SMURF1: variants seen among roughly 807,000 people sequenced by gnomAD.
SMURF1 encodes the protein SMAD specific E3 ubiquitin protein ligase 1, also known as E3 ubiquitin-protein ligase SMURF1.
A neutral mutation model predicts 98.0 loss-of-function variants in SMURF1; 44 were observed. The ratio of observed to expected loss-of-function variants is 0.45; its 90% CI spans 0.35 to 0.58. SMURF1 has a LOEUF of 0.58. Among genes scored for constraint, SMURF1 ranks in the 20% least tolerant of loss-of-function variants. The pLI, the probability that SMURF1 is intolerant of heterozygous loss-of-function variation, is 0.00. For synonymous variants in SMURF1, 396 were observed against 374.9 expected, an observed-to-expected ratio of 1.06 and a Z score of -0.65; for missense variants, 687 against 938.4, an observed-to-expected ratio of 0.73 and a Z score of 3.50.
chr7:99,131,452 A>G (rs560895925), intron 1 of SMURF1, among the ~76,000 whole-genome samples: 52 of 151,932 alleles, frequency 3.4e-4, no homozygotes, highest in African/African-American at 1.2e-3. Context: ...GTAGGAAAGA[A>G]TCAAGGAAAT....
intron 13 of SMURF1, 52 bp from the exon 14 acceptor site, chr7:99,038,577 GC>G: frequency 6.3e-7 from 1 of 1,586,426 alleles, no homozygotes. Context: ...ACCACGCGGG[GC>G]CATTGGGTAG....
intron 15 of SMURF1, among the ~76,000 whole-genome samples, chr7:99,036,746 T>A (rs1053245302): frequency 1.2e-4 from 18 of 152,166 alleles, no homozygotes; most frequent in Non-Finnish European, 1.5e-5. Context: ...TGGGAGAACC[T>A]GGTTCTCCCA....
chr7:99,133,910 A>C (rs1424190380), intron 1 of SMURF1, among the ~76,000 whole-genome samples: 1 of 152,222 alleles, frequency 6.6e-6, no homozygotes, highest in African/African-American at 2.4e-5. Flanking sequence ...GCATGCAGTA[A>C]GATTCCATTA....
chr7:99,064,399 G>A (rs1563013430), intron 1 of SMURF1, among the ~76,000 whole-genome samples: 1 of 152,108 alleles, frequency 6.6e-6, no homozygotes, highest in Non-Finnish European at 1.5e-5. Context: ...CTAGGCCTGG[G>A]CTTTTCATTT....
chr7:99,122,285 G>A (rs1775591724), intron 1 of SMURF1, among the ~76,000 whole-genome samples: 1 of 147,884 alleles, frequency 6.8e-6, no homozygotes, highest in Admixed American at 6.8e-5. Context: ...CCGAGATCGG[G>A]CCACCGCACT....
chr7:99,036,985 T>C (rs1173427272), intron 15 of SMURF1, 82 bp downstream of exon 15: 2 of 1,601,432 alleles, frequency 1.2e-6, no homozygotes, highest in East Asian at 4.5e-5. Flanking sequence ...CGGCACACAC[T>C]GCCCCCTGCA....
At chr7:99,078,929 C>G (rs962471513) in intron 1 of SMURF1, among the ~76,000 whole-genome samples, 1 of 152,260 alleles carries the variant, frequency 6.6e-6, no homozygotes, top group Non-Finnish European at 1.5e-5. Context: ...CCATCTCCCC[C>G]ACCCCTGTCC....
At chr7:99,092,107 T>C (rs1479058529) in intron 1 of SMURF1, among the ~76,000 whole-genome samples, 2 of 152,204 alleles carry the variant, frequency 1.3e-5, no homozygotes, top group Admixed American at 6.5e-5. Flanking sequence ...TTGCGAGCAA[T>C]GATATAGGTA....
intron 1 of SMURF1, among the ~76,000 whole-genome samples, chr7:99,077,663 G>A (rs1224083783): frequency 6.6e-6 from 1 of 152,218 alleles, no homozygotes; most frequent in South Asian, 2.1e-4. Flanking sequence ...AGGCACTGGT[G>A]CTATGTCTGG....
chr7:99,094,278 G>T (rs960618425), intron 1 of SMURF1, among the ~76,000 whole-genome samples: 1 of 152,042 alleles, frequency 6.6e-6, no homozygotes, highest in Non-Finnish European at 1.5e-5. Flanking sequence ...CTCAATTTTT[G>T]AATGTTTCAA....
At chr7:99,067,285 CAT>C in intron 1 of SMURF1, among the ~76,000 whole-genome samples, 2 of 151,974 alleles carry the variant, frequency 1.3e-5, no homozygotes. Flanking sequence ...TGTGAGCCAC[CAT>C]GCCCAGGCTT....
intron 17 of SMURF1, among the ~76,000 whole-genome samples, chr7:99,031,757 A>C (rs569913317): frequency 2.0e-5 from 3 of 152,304 alleles, no homozygotes; most frequent in African/African-American, 4.8e-5. Flanking sequence ...CACTTGCCCC[A>C]AATCACATGT....
At chr7:99,067,884 G>A (rs1796233457) in intron 1 of SMURF1, among the ~76,000 whole-genome samples, 1 of 152,122 alleles carries the variant, frequency 6.6e-6, no homozygotes, top group Admixed American at 6.5e-5. Flanking sequence ...AATCTGGGAG[G>A]TGGAGGTTGC....
chr7:99,034,999 G>C (rs1203195005), intron 16 of SMURF1, among the ~76,000 whole-genome samples: 1 of 152,176 alleles, frequency 6.6e-6, no homozygotes, highest in African/African-American at 2.4e-5. Context: ...TGAGACATTA[G>C]GCCGCCTGCC....
chr7:99,134,690 T>C lies in SMURF1; in HGVS notation c.55+9036A>G, dbSNP rs541805674. On this transcript the variant is annotated intron_variant, in intron 1 of 17. Coordinates refer to ENST00000361368, the MANE Select transcript of SMURF1 (RefSeq NM_181349.3). Reference sequence around the variant, plus strand: ...TACTTGGAAAAATACTAAATTATTATTACTGGCTTATGCAAATGAGCATTT... The same window carrying C: ...TACTTGGAAAAATACTAAATTATTACTACTGGCTTATGCAAATGAGCATTT... 9.8e-4 allele frequency among the ~76,000 whole-genome samples: 149 copies of C among 152,318 alleles called. 1 individual carries two copies. Among genetic ancestry groups the C allele is most frequent in the African/African-American group, 3.5e-3 (146 of 41,578 alleles).
chr7:99,060,711 G>C lies in SMURF1; in HGVS notation c.95-4C>G, dbSNP rs779460047. The C allele has an allele frequency of 5.6e-6, 9 of 1,606,320 alleles. No individual in the cohort carries two copies. Among genetic ancestry groups the C allele is most frequent in the Non-Finnish European group, 6.8e-6 (8 of 1,173,760 alleles). ...TTTGCAAAAGGGTCAGGGAGCCCTA[G>C]AGGAGAGAGGAGACCCACACCTAGA... On this transcript the variant is annotated splice_polypyrimidine_tract_variant and splice_region_variant and intron_variant, in intron 2 of 17. Coordinates refer to ENST00000361368, the MANE Select transcript of SMURF1 (RefSeq NM_181349.3).
rs1194504301 is a variant in SMURF1, at chr7:99,063,309, AG to A, written c.56-1473del. 2.4e-3 allele frequency among the ~76,000 whole-genome samples: 263 copies of A among 108,592 alleles called. 4 individuals carry two copies. Among genetic ancestry groups the A allele is most frequent in the African/African-American group, 9.3e-3 (255 of 27,340 alleles). 71.2% of individuals were successfully genotyped at this position (108,592 alleles called of 152,430 possible). On this transcript the variant is annotated intron_variant, in intron 1 of 17. Transcript: ENST00000361368. Reference sequence around the variant, plus strand: ...TATATATATATATATATATATAAAAAGAGACAGGGTCTCACTCCGTCACCCC... The same window carrying A: ...TATATATATATATATATATATAAAAAAGACAGGGTCTCACTCCGTCACCCC...
chr7:99,057,156 A>G (rs781255656), intron 5 of SMURF1, 49 bp downstream of exon 5: 1 of 1,600,990 alleles, frequency 6.2e-7, no homozygotes, highest in Non-Finnish European at 8.6e-7. Flanking sequence ...GAAGGGTTGA[A>G]TGTAAGTTCT....
intron 17 of SMURF1, chr7:99,032,816 G>A (rs771753606): frequency 3.0e-5 from 21 of 698,088 alleles, no homozygotes; most frequent in Middle Eastern, 8.5e-4. Flanking sequence ...ATACAGTGTC[G>A]TAATGTCGGG....
Sources: gnomAD v4.1 joint callset for allele counts (sites outside exome capture counted in the v4.1 genomes callset) on GRCh38, gnomAD v4.1.1 for gene constraint, MANE v1.5 for transcripts, NCBI Gene and HGNC (gene_info 2026-07-23, HGNC 2026-07-21) for gene names.